Variants in EIF3H observed in about 807,000 individuals in gnomAD.
EIF3H encodes eukaryotic translation initiation factor 3 subunit H, also known as eIF-3-gamma.
A neutral mutation model predicts 44.2 loss-of-function variants in EIF3H; 26 were observed. The observed-to-expected ratio is 0.59, with a 90% CI of 0.43 to 0.82. The LOEUF is 0.82. Among genes scored for constraint, EIF3H ranks in the 40% least tolerant of loss-of-function variants. The probability of loss-of-function intolerance (pLI) is 0.00; values close to 1 mark genes in which losing one functional copy is unlikely to be tolerated. For synonymous variants in EIF3H, 166 were observed against 151.9 expected (o/e 1.09, Z -0.68); for missense variants, 359 against 432.8 (o/e 0.83, Z 1.51).
intron 5 of EIF3H, among the ~76,000 whole-genome samples, chr8:116,654,630 T>C (rs1053586881): frequency 1.3e-5 from 2 of 152,194 alleles, no homozygotes; most frequent in African/African-American, 4.8e-5. Context: ...ATTAAAGGAC[T>C]ATTATGAATA....
At chr8:116,654,374 C>T (rs1242921995) in intron 5 of EIF3H, among the ~76,000 whole-genome samples, 1 of 152,194 alleles carries the variant, frequency 6.6e-6, no homozygotes, top group Non-Finnish European at 1.5e-5. Flanking sequence ...AATGTTAAAG[C>T]ACCATCAGGG....
intron 1 of EIF3H, among the ~76,000 whole-genome samples, chr8:116,747,971 C>T (rs1251732941): frequency 6.6e-6 from 1 of 151,906 alleles, no homozygotes; most frequent in Non-Finnish European, 1.5e-5. Context: ...ATTAGCCAGG[C>T]GTGGTGGCGC....
Position 116,667,466 on chromosome 8 carries a change from A to AG in EIF3H, c.290-8487_290-8486insC, listed in dbSNP as rs1233409501. Among the ~76,000 whole-genome samples, 6 of 150,818 alleles carry AG rather than the reference A, an allele frequency of 4.0e-5. No individual in the cohort carries two copies. In the East Asian group the frequency reaches 5.9e-4, roughly 15 times the overall value. On this transcript the variant is annotated intron_variant, in intron 2 of 7. Transcript: ENST00000521861. ...AGAAAACTGTTTGTACAACTTCACAAAAAAAAAAAAAAGATTAAGGGGCTA... is the reference window on the plus strand; with the variant it reads ...AGAAAACTGTTTGTACAACTTCACAAGAAAAAAAAAAAAGATTAAGGGGCTA...
At chr8:116,703,234 A>G (rs1814408332) in intron 2 of EIF3H, among the ~76,000 whole-genome samples, 1 of 152,206 alleles carries the variant, frequency 6.6e-6, no homozygotes, top group South Asian at 2.1e-4. Flanking sequence ...ATACAGAGAT[A>G]GGAGCTGAAG....
At chr8:116,677,704 C>G (rs1198283331) in intron 2 of EIF3H, among the ~76,000 whole-genome samples, 1 of 152,144 alleles carries the variant, frequency 6.6e-6, no homozygotes, top group Non-Finnish European at 1.5e-5. Context: ...GTAACTTGCC[C>G]ATATAATAAT....
At chr8:116,755,968 A>C, upstream of EIF3H, 1 of 1,536,302 alleles carries the variant, frequency 6.5e-7, no homozygotes, top group Non-Finnish European at 8.7e-7. Context: ...TCCAGGCGGT[A>C]TCCTTTGTGC....
At position 116,752,722 on chromosome 8, in the gene EIF3H, A is replaced by AAGAAAGAAAGAG. The variant is rs1554603834; in HGVS notation, c.132+2943_132+2944insCTCTTTCTTTCT. 1.5e-4 allele frequency among the ~76,000 whole-genome samples: 17 copies of AAGAAAGAAAGAG among 111,258 alleles called. 2 individuals carry two copies. In the East Asian group the frequency reaches 2.1e-3, roughly 14 times the overall value. 73.0% of individuals were successfully genotyped at this position (111,258 alleles called of 152,430 possible). ...AAAGAAAGAAAGAAAGAAAGAAAGAAAGAAAGAAAGAAGAGAAAGAAAGAA... is the reference window on the plus strand; with the variant it reads ...AAAGAAAGAAAGAAAGAAAGAAAGAAAGAAAGAAAGAGAGAAAGAAAGAAGAGAAAGAAAGAA... On this transcript the variant is annotated intron_variant, in intron 1 of 7. Coordinates refer to ENST00000521861, the MANE Select transcript of EIF3H (RefSeq NM_003756.3).
intron 2 of EIF3H, among the ~76,000 whole-genome samples, chr8:116,679,360 C>T (rs1201130386): frequency 4.4e-5 from 3 of 67,582 alleles, no homozygotes; most frequent in Non-Finnish European, 9.1e-5. Context: ...GTCAGCCCCC[C>T]GCCCGGTCAG....
intron 2 of EIF3H, among the ~76,000 whole-genome samples, chr8:116,689,684 A>G (rs1814139804): frequency 6.6e-6 from 1 of 152,244 alleles, no homozygotes; most frequent in South Asian, 2.1e-4. Flanking sequence ...AATATAAAAG[A>G]GCTCAGTAAT....
At chr8:116,657,408 C>T (rs1219597205) in intron 3 of EIF3H, 94 bp from the exon 4 acceptor site, 4 of 860,504 alleles carry the variant, frequency 4.6e-6, no homozygotes, top group East Asian at 5.2e-5. Flanking sequence ...ACATATCGCA[C>T]AATCTTTGCA....
chr8:116,761,373 G>A (rs1292049832), intron 1 of EIF3H, among the ~76,000 whole-genome samples: 1 of 152,074 alleles, frequency 6.6e-6, no homozygotes, highest in Non-Finnish European at 1.5e-5. Context: ...TCAGCCAGGC[G>A]TGGTGGTGGG....
intron 1 of EIF3H, among the ~76,000 whole-genome samples, chr8:116,741,575 T>C (rs935589336): frequency 1.3e-5 from 2 of 152,242 alleles, no homozygotes; most frequent in Admixed American, 1.3e-4. Context: ...AGTCACTGCC[T>C]AGTTGAAGAA....
intron 2 of EIF3H, among the ~76,000 whole-genome samples, chr8:116,664,258 A>C (rs1813630575): frequency 6.6e-6 from 1 of 152,234 alleles, no homozygotes; most frequent in Admixed American, 6.5e-5. Flanking sequence ...ACTGAGGTGG[A>C]CTGTCCAACA....
At chr8:116,727,808 T>A (rs1256771029) in intron 1 of EIF3H, among the ~76,000 whole-genome samples, 1 of 152,248 alleles carries the variant, frequency 6.6e-6, no homozygotes, top group Non-Finnish European at 1.5e-5. Context: ...CCTGTCATAA[T>A]TCTGTGCACT....
chr8:116,715,983 A>T (rs1353735982), intron 2 of EIF3H, among the ~76,000 whole-genome samples: 1 of 152,094 alleles, frequency 6.6e-6, no homozygotes, highest in Non-Finnish European at 1.5e-5. Flanking sequence ...ATAAAAGTTT[A>T]TGAAGACTGA....
chr8:116,679,376 C>T (rs1221933437), intron 2 of EIF3H, among the ~76,000 whole-genome samples: 2 of 73,224 alleles, frequency 2.7e-5, no homozygotes, highest in Non-Finnish European at 4.1e-5. Context: ...GTCAGCCCCC[C>T]GCCCGGCCAG....
rs538613304 is a variant in EIF3H, at chr8:116,654,592, G to A, written c.707+1264C>T. On this transcript the variant is annotated intron_variant, in intron 5 of 7. Coordinates refer to ENST00000521861, the MANE Select transcript of EIF3H (RefSeq NM_003756.3). ...CCAATGTGTTTGTAAAAGCAATAAA[G>A]AAAAATATGACCTTCTAAAACAGAC... Among the ~76,000 whole-genome samples, 17 of 152,244 alleles carry A rather than the reference G, an allele frequency of 1.1e-4. No homozygotes were observed. The South Asian group carries it at 3.5e-3, about 32-fold the overall frequency.
chr8:116,746,734 G>A (rs1239189879), intron 1 of EIF3H, among the ~76,000 whole-genome samples: 1 of 152,170 alleles, frequency 6.6e-6, no homozygotes, highest in East Asian at 1.9e-4. Context: ...CTATTTGTAA[G>A]CAATAACATC....
intron 2 of EIF3H, among the ~76,000 whole-genome samples, chr8:116,688,771 A>G (rs1814123606): frequency 6.6e-6 from 1 of 152,194 alleles, no homozygotes; most frequent in African/African-American, 2.4e-5. Flanking sequence ...TCTCTTGTAA[A>G]TATCTTTTGC....
Sources: gnomAD v4.1 joint callset for allele counts (sites outside exome capture counted in the v4.1 genomes callset) on GRCh38, gnomAD v4.1.1 for gene constraint, MANE v1.5 for transcripts, NCBI Gene and HGNC (gene_info 2026-07-23, HGNC 2026-07-21) for gene names.